PDSS2: variants seen among roughly 807,000 people sequenced by gnomAD.
PDSS2 encodes the protein all trans-polyprenyl-diphosphate synthase PDSS2.
Under a neutral mutation model 44.5 loss-of-function variants are expected in PDSS2, and 31 were observed. That is an observed-to-expected ratio of 0.70 (90% CI 0.52 to 0.94). PDSS2 has a LOEUF of 0.94. Among genes scored for constraint, PDSS2 ranks in the 40% least tolerant of loss-of-function variants. PDSS2 has a pLI of 0.00. For missense variants in PDSS2, 452 were observed against 482.2 expected, an observed-to-expected ratio of 0.94 and a Z score of 0.59; for synonymous variants, 157 against 180.3, an observed-to-expected ratio of 0.87 and a Z score of 1.03.
intron 2 of PDSS2, among the ~76,000 whole-genome samples, chr6:107,293,937 A>G (rs1776426646): frequency 6.6e-6 from 1 of 152,150 alleles, no homozygotes; most frequent in Admixed American, 6.5e-5. Flanking sequence ...ACCAACGCCA[A>G]CTGCCAGGCA....
At chr6:107,447,737 T>TTC (rs1349129302) in intron 1 of PDSS2, among the ~76,000 whole-genome samples, 1 of 152,194 alleles carries the variant, frequency 6.6e-6, no homozygotes, top group Non-Finnish European at 1.5e-5. Context: ...GTTTGCTCTC[T>TTC]TCTCACAGTT....
Position 107,321,946 on chromosome 6 carries a change from T to C in PDSS2, c.431+12252A>G, listed in dbSNP as rs568065010. On this transcript the variant is annotated intron_variant, in intron 2 of 7. Transcript: ENST00000369037. ...ACCACTTCCACCCCTGCAAACTGAT[T>C]CATCATGATCTCCAGTCCCTTGATC... Among the ~76,000 whole-genome samples the C allele has an allele frequency of 2.0e-5, 3 of 152,316 alleles. No homozygotes were observed. In the South Asian group the frequency reaches 6.2e-4, roughly 32 times the overall value.
At chr6:107,384,549 G>A (rs1385232478) in intron 1 of PDSS2, among the ~76,000 whole-genome samples, 1 of 151,844 alleles carries the variant, frequency 6.6e-6, no homozygotes, top group Non-Finnish European at 1.5e-5. Context: ...GCTGAGGCAG[G>A]AGAATTGCTG....
At chr6:107,391,965 A>C (rs1490992518) in intron 1 of PDSS2, among the ~76,000 whole-genome samples, 1 of 152,040 alleles carries the variant, frequency 6.6e-6, no homozygotes, top group Non-Finnish European at 1.5e-5. Flanking sequence ...CAATCTAGAC[A>C]TCTCTCTTTG....
chr6:107,364,487 G>C (rs1480136071), intron 1 of PDSS2, among the ~76,000 whole-genome samples: 13 of 152,244 alleles, frequency 8.5e-5, no homozygotes, highest in Non-Finnish European at 1.3e-4. Context: ...ACTGGCCCGG[G>C]TGCTAAGTCC....
At chr6:107,170,251 T>A (rs546745335) in intron 7 of PDSS2, among the ~76,000 whole-genome samples, 1 of 152,268 alleles carries the variant, frequency 6.6e-6, no homozygotes, top group African/African-American at 2.4e-5. Context: ...TGAGCGAGGT[T>A]CCAAGGGCGT....
intron 4 of PDSS2, among the ~76,000 whole-genome samples, chr6:107,220,663 T>TAA (rs538278642): frequency 4.3e-4 from 65 of 152,218 alleles, no homozygotes; most frequent in Admixed American, 2.5e-3. Context: ...TTCTACATTT[T>TAA]AAATTATTCA....
At chr6:107,294,384 G>C (rs917532386) in intron 2 of PDSS2, among the ~76,000 whole-genome samples, 1 of 151,896 alleles carries the variant, frequency 6.6e-6, no homozygotes, top group African/African-American at 2.4e-5. Flanking sequence ...TATAAAAGTT[G>C]AGAAATTCCT....
intron 2 of PDSS2, among the ~76,000 whole-genome samples, chr6:107,283,289 G>A (rs1030041891): frequency 8.6e-5 from 13 of 151,744 alleles, no homozygotes; most frequent in African/African-American, 1.9e-4. Flanking sequence ...TTGCAACACC[G>A]CACTCCAGCC....
At chr6:107,204,345 G>C (rs1469943796) in intron 6 of PDSS2, among the ~76,000 whole-genome samples, 3 of 152,004 alleles carry the variant, frequency 2.0e-5, no homozygotes, top group Non-Finnish European at 4.4e-5. Flanking sequence ...ACCACATTTT[G>C]CTTCTCCATT....
chr6:107,412,056 T>A (rs1780517878), intron 1 of PDSS2, among the ~76,000 whole-genome samples: 2 of 148,850 alleles, frequency 1.3e-5, no homozygotes, highest in Non-Finnish European at 3.0e-5. Context: ...CGGCTAATTT[T>A]TTTGTATTTT....
At chr6:107,247,751 C>A (rs553545830) in intron 3 of PDSS2, among the ~76,000 whole-genome samples, 116 of 149,136 alleles carry the variant, frequency 7.8e-4, no homozygotes, top group African/African-American at 2.7e-3. Context: ...CCTGTAATAC[C>A]AGCAGTTTGG....
At chr6:107,350,928 T>C (rs1256141887) in intron 1 of PDSS2, among the ~76,000 whole-genome samples, 4 of 151,826 alleles carry the variant, frequency 2.6e-5, no homozygotes, top group Non-Finnish European at 5.9e-5. Flanking sequence ...AGGCCACAAA[T>C]ACAGATTTTG....
At chr6:107,326,189 G>A (rs558119260) in intron 2 of PDSS2, among the ~76,000 whole-genome samples, 4 of 149,066 alleles carry the variant, frequency 2.7e-5, no homozygotes, top group East Asian at 2.0e-4. Flanking sequence ...TGCAACCTCC[G>A]TCTCCCGGGT....
chr6:107,301,086 C>T (rs1159587288), intron 2 of PDSS2, among the ~76,000 whole-genome samples: 3 of 152,192 alleles, frequency 2.0e-5, no homozygotes, highest in African/African-American at 4.8e-5. Context: ...ATTAAGTCCA[C>T]ATTACAATTA....
chr6:107,281,811 TC>T (rs1388539820), intron 2 of PDSS2, among the ~76,000 whole-genome samples: 1 of 152,190 alleles, frequency 6.6e-6, no homozygotes, highest in Non-Finnish European at 1.5e-5. Flanking sequence ...GCCACCCCCT[TC>T]CCTCACGACA....
chr6:107,286,999 C>A (rs1270901726), intron 2 of PDSS2, among the ~76,000 whole-genome samples: 1 of 152,096 alleles, frequency 6.6e-6, no homozygotes, highest in Non-Finnish European at 1.5e-5. Flanking sequence ...GAGATTGTGC[C>A]ACTGCACTCC....
chr6:107,457,877 A>G (rs912393468), intron 1 of PDSS2, among the ~76,000 whole-genome samples: 1 of 152,196 alleles, frequency 6.6e-6, no homozygotes, highest in Non-Finnish European at 1.5e-5. Context: ...ACTGTAGCGT[A>G]CTTACGTAGG....
chr6:107,154,360 C>T lies in PDSS2; in HGVS notation c.*259G>A, dbSNP rs886060922. The T allele has an allele frequency of 4.1e-5, 18 of 435,288 alleles. No homozygotes were observed. The highest frequency in any genetic ancestry group is 5.5e-5 in the Non-Finnish European group (13 of 234,860). 27.0% of individuals were successfully genotyped at this position (435,288 alleles called of 1,614,324 possible). On this transcript the variant is annotated 3_prime_UTR_variant, in exon 8 of 8. Coordinates refer to ENST00000369037, the MANE Select transcript of PDSS2 (RefSeq NM_020381.4). ...TGTCCATTTGCTGAGGTCACAGGAG[C>T]GAATCTCATTAATTATTTCTGCGAC...
Sources: allele counts gnomAD v4.1 joint callset (sites outside exome capture counted in the v4.1 genomes callset), GRCh38; gene constraint gnomAD v4.1.1; transcripts MANE v1.5; gene names NCBI Gene and HGNC (gene_info 2026-07-23, HGNC 2026-07-21).